MLF1: variants seen among roughly 807,000 people sequenced by gnomAD.
MLF1 encodes the protein myeloid leukemia factor 1, also known as myelodysplasia-myeloid leukemia factor 1.
In MLF1, 37 loss-of-function variants were observed where a neutral mutation model predicts 38.3. The observed-to-expected ratio is 0.96, with a 90% CI of 0.74 to 1.27. The LOEUF (loss-of-function observed/expected upper bound fraction) is 1.27, where lower values mean the gene tolerates loss of function less well. Ranked by LOEUF, MLF1 falls within the 50% of genes most tolerant of loss-of-function variation. The pLI, the probability that MLF1 is intolerant of heterozygous loss-of-function variation, is 0.00. For missense variants in MLF1, 331 were observed against 349.2 expected, an observed-to-expected ratio of 0.95 and a Z score of 0.42; for synonymous variants, 95 against 106.5, an observed-to-expected ratio of 0.89 and a Z score of 0.66.
intron 1 of MLF1, among the ~76,000 whole-genome samples, chr3:158,574,812 T>C (rs1339611973): frequency 1.3e-5 from 2 of 152,158 alleles, no homozygotes; most frequent in African/African-American, 4.8e-5. Flanking sequence ...CATAGATTAT[T>C]GAGGTGTTGA....
intron 1 of MLF1, among the ~76,000 whole-genome samples, chr3:158,573,784 T>C (rs1714942952): frequency 6.7e-6 from 1 of 149,046 alleles, no homozygotes; most frequent in South Asian, 2.2e-4. Flanking sequence ...TCAAACAATA[T>C]CTGTGGGGGG....
In MLF1 at chr3:158,602,949, GT is replaced by G. The variant is rs759292362; in HGVS notation, c.746+13del. ...GAGAACTTAAAAGAAGGTAAAAGTT[GT>G]TTCTAAAATAGTTTGGTTTTTTAAG... On this transcript the variant is annotated intron_variant, in intron 7 of 7. Transcript: ENST00000466246. 1.2e-6 allele frequency: 2 copies of G among 1,604,102 alleles called. No individual in the cohort carries two copies. Among genetic ancestry groups the G allele is most frequent in the African/African-American group, 2.7e-5 (2 of 74,206 alleles).
At chr3:158,574,484 A>T (rs1715061773) in intron 1 of MLF1, among the ~76,000 whole-genome samples, 2 of 146,468 alleles carry the variant, frequency 1.4e-5, no homozygotes, top group South Asian at 4.4e-4. Context: ...CCTGACCAAC[A>T]TGGTGAAACC....
chr3:158,582,858 A>G, intron 1 of MLF1: 3 of 685,958 alleles, frequency 4.4e-6, no homozygotes, highest in Non-Finnish European at 5.3e-6. Flanking sequence ...TTCTTCAGAG[A>G]GAAGGAAAAT....
chr3:158,580,941 CTG>C (rs1223517594), intron 1 of MLF1, among the ~76,000 whole-genome samples: 35 of 152,144 alleles, frequency 2.3e-4, no homozygotes, highest in African/African-American at 7.7e-4. Context: ...GAATGAAACT[CTG>C]TCTCAAAATA....
chr3:158,594,033 A>G (rs187908710), intron 3 of MLF1, among the ~76,000 whole-genome samples: 1 of 151,318 alleles, frequency 6.6e-6, no homozygotes, highest in Admixed American at 6.6e-5. Flanking sequence ...CAGTCTCATG[A>G]AAACGGTTTT....
chr3:158,601,844 T>C (rs1303059732), intron 6 of MLF1, among the ~76,000 whole-genome samples: 2 of 142,510 alleles, frequency 1.4e-5, no homozygotes, highest in African/African-American at 5.2e-5. Flanking sequence ...AGTCTCGCTC[T>C]GTTGTCCAGG....
chr3:158,598,937 T>C (rs78151625), intron 5 of MLF1, among the ~76,000 whole-genome samples: 20,669 of 152,186 alleles, frequency 0.14, 1,734 homozygotes, highest in South Asian at 0.22. Context: ...GCATATGTCC[T>C]CTGCAACTTG....
intron 7 of MLF1, among the ~76,000 whole-genome samples, chr3:158,603,199 C>T (rs4679831): frequency 0.14 from 20,607 of 152,126 alleles, 1,739 homozygotes; most frequent in South Asian, 0.22. Flanking sequence ...AGACCAAAAT[C>T]CTCTTAAGGA....
At chr3:158,604,759 G>A (rs1720286724) in intron 7 of MLF1, among the ~76,000 whole-genome samples, 1 of 152,030 alleles carries the variant, frequency 6.6e-6, no homozygotes, top group Non-Finnish European at 1.5e-5. Context: ...CCCAGGTTCA[G>A]GCAATCCTCC....
chr3:158,587,288 T>C (rs1360796163), intron 1 of MLF1, among the ~76,000 whole-genome samples: 2 of 152,208 alleles, frequency 1.3e-5, no homozygotes, highest in East Asian at 3.9e-4. Context: ...AGCATGTCTT[T>C]AGGGAGCAGT....
At chr3:158,573,630 A>G (rs1307797702) in intron 1 of MLF1, among the ~76,000 whole-genome samples, 1 of 152,166 alleles carries the variant, frequency 6.6e-6, no homozygotes, top group African/African-American at 2.4e-5. Flanking sequence ...GAAATTTGTA[A>G]TACTTTTTAG....
chr3:158,577,634 A>G (rs143158448), intron 1 of MLF1, among the ~76,000 whole-genome samples: 1 of 152,328 alleles, frequency 6.6e-6, no homozygotes, highest in Non-Finnish European at 1.5e-5. Context: ...AAAGAATGAG[A>G]CACTGTAAGC....
chr3:158,592,721 C>A (rs1718338472), intron 2 of MLF1, 140 bp downstream of exon 2: 1 of 695,170 alleles, frequency 1.4e-6, no homozygotes, highest in Non-Finnish European at 2.2e-6. Context: ...AAAGGGGGGA[C>A]CTTTGGAAAG....
intron 1 of MLF1, among the ~76,000 whole-genome samples, chr3:158,574,505 T>TAAAAAAAAAAAAAAAA (rs758915813): frequency 5.5e-5 from 5 of 91,390 alleles, no homozygotes; most frequent in African/African-American, 2.9e-4. Flanking sequence ...CCATCTGTAC[T>TAAAAAAAAAAAAAAAA]AAAAAAAAAA....
chr3:158,577,554 T>C (rs1029194365), intron 1 of MLF1, among the ~76,000 whole-genome samples: 3 of 152,228 alleles, frequency 2.0e-5, no homozygotes, highest in African/African-American at 7.2e-5. Flanking sequence ...CCTAGTATAA[T>C]TGTTCTTAGG....
At chr3:158,586,976 A>T (rs1426861148) in intron 1 of MLF1, among the ~76,000 whole-genome samples, 1 of 152,224 alleles carries the variant, frequency 6.6e-6, no homozygotes, top group Admixed American at 6.5e-5. Context: ...CTCTATCCCC[A>T]CTACCTGGAA....
intron 1 of MLF1, among the ~76,000 whole-genome samples, chr3:158,574,468 G>C (rs1715060472): frequency 7.1e-6 from 1 of 141,474 alleles, no homozygotes; most frequent in Non-Finnish European, 1.5e-5. Context: ...AGGAGTTGGA[G>C]ACCAGCCTGA....
chr3:158,604,269 T>A (rs915874909), intron 7 of MLF1, among the ~76,000 whole-genome samples: 32 of 152,212 alleles, frequency 2.1e-4, no homozygotes, highest in African/African-American at 7.7e-4. Flanking sequence ...GAATAGGAAA[T>A]CCAGGTCGCA....
Sources: allele counts gnomAD v4.1 joint callset (sites outside exome capture counted in the v4.1 genomes callset), GRCh38; gene constraint gnomAD v4.1.1; transcripts MANE v1.5; gene names NCBI Gene and HGNC (gene_info 2026-07-23, HGNC 2026-07-21).